The following ZNF831 variants were observed in gnomAD, a reference collection of about 807,000 sequenced individuals.
The protein encoded by ZNF831 is zinc finger protein 831.
A neutral mutation model predicts 95.8 loss-of-function variants in ZNF831; 59 were observed. The observed-to-expected ratio is 0.62, with a 90% CI of 0.50 to 0.77. ZNF831 has a LOEUF of 0.77. ZNF831 is among the 30% of genes least tolerant of loss of function. The pLI, the probability that ZNF831 is intolerant of heterozygous loss-of-function variation, is 0.00. For synonymous variants in ZNF831, 961 were observed against 925.5 expected (o/e 1.04, Z -0.70); for missense variants, 2,205 against 2,164.0 (o/e 1.02, Z -0.38).
intron 2 of ZNF831, among the ~76,000 whole-genome samples, chr20:59,147,546 G>A (rs1979941254): frequency 6.6e-6 from 1 of 152,250 alleles, no homozygotes; most frequent in South Asian, 2.1e-4. Context: ...AGGAAAGGCT[G>A]TACAAGCTGA....
rs62204016 is a variant in ZNF831, at chr20:59,224,191, C to G, written c.4027+17135C>G. Among the ~76,000 whole-genome samples, 1,213 of 152,328 alleles carry G rather than the reference C, an allele frequency of 8.0e-3. 9 individuals are homozygous for G. The highest frequency in any genetic ancestry group is 0.024 in the Middle Eastern group (7 of 294). ...CGGGTGGGGGGACTTCCTCTTGTTC[C>G]TGGAGACCTGCTTCCCCTCCCAACA... On this transcript the variant is annotated intron_variant, in intron 4 of 5. Coordinates refer to ENST00000371030, the MANE Select transcript of ZNF831 (RefSeq NM_178457.3).
Position 59,133,364 on chromosome 20 carries a change from A to G in ZNF831, c.-1425+9859A>G, listed in dbSNP as rs236725. On this transcript the variant is annotated intron_variant, in intron 1 of 7. Transcript: ENST00000637017. The stretch of plus-strand genomic sequence containing the variant: ...TATGCTCTGGTCCTGCATGACGTCC[A>G]TAGGATCACTTTGGGCAGTTGCTAT... Among the ~76,000 whole-genome samples the G allele has an allele frequency of 2.0e-3, 259 of 129,238 alleles. 1 individual carries two copies. Among genetic ancestry groups the G allele is most frequent in the Middle Eastern group, 5.8e-3 (1 of 172 alleles). 84.8% of individuals were successfully genotyped at this position (129,238 alleles called of 152,430 possible).
intron 1 of ZNF831, among the ~76,000 whole-genome samples, chr20:59,133,011 G>A (rs946566702): frequency 6.0e-5 from 9 of 149,748 alleles, no homozygotes; most frequent in East Asian, 2.0e-4. Context: ...GCTATGCTCC[G>A]GTCCTGCATG....
chr20:59,155,255 C>T (rs1330468290), intron 2 of ZNF831, among the ~76,000 whole-genome samples: 1 of 152,132 alleles, frequency 6.6e-6, no homozygotes, highest in East Asian at 1.9e-4. Context: ...CAAAACCTCT[C>T]AGAAGTAGGA....
chr20:59,205,560 G>A (rs1984835262), intron 3 of ZNF831, among the ~76,000 whole-genome samples: 1 of 152,226 alleles, frequency 6.6e-6, no homozygotes, highest in Non-Finnish European at 1.5e-5. Flanking sequence ...CAGTGCCCAA[G>A]AGGATACTGC....
chr20:59,154,424 T>G (rs1980417005), intron 2 of ZNF831, among the ~76,000 whole-genome samples: 1 of 152,184 alleles, frequency 6.6e-6, no homozygotes, highest in South Asian at 2.1e-4. Flanking sequence ...TCGAACCCTG[T>G]GAAGCCGAAG....
At position 59,239,588 on chromosome 20, in the gene ZNF831, C is replaced by T. The variant is rs184024811; in HGVS notation, c.4028-13390C>T. 4.0e-3 allele frequency among the ~76,000 whole-genome samples: 558 copies of T among 138,034 alleles called. 10 individuals carry two copies. Among genetic ancestry groups the T allele is most frequent in the Admixed American group, 0.036 (472 of 13,094 alleles). 90.6% of individuals were successfully genotyped at this position (138,034 alleles called of 152,430 possible). On this transcript the variant is annotated intron_variant, in intron 4 of 5. Transcript: ENST00000371030. ...TTTTTGAGATAGAGTCTCGCTCTGT[C>T]GCCCAGGCTGGAGTATAGTGACCTT...
intron 1 of ZNF831, among the ~76,000 whole-genome samples, chr20:59,130,920 C>T (rs1036635225): frequency 2.6e-5 from 4 of 152,160 alleles, no homozygotes; most frequent in African/African-American, 9.7e-5. Flanking sequence ...CCCCTGTTTC[C>T]TCATCTGAAA....
intron 1 of ZNF831, among the ~76,000 whole-genome samples, chr20:59,172,958 T>C (rs1401414797): frequency 3.3e-5 from 5 of 152,202 alleles, no homozygotes; most frequent in African/African-American, 1.2e-4. Flanking sequence ...CATGCTGAGA[T>C]TTGACTCAGT....
rs201443035 is a variant in ZNF831, at chr20:59,192,320, T to G, written c.1301T>G (p.Leu434Arg). The change falls in exon 2 of 6, where the codon CTG becomes CGG. Residue 434 changes from leucine (L) to arginine (R), a missense_variant. Coordinates refer to ENST00000371030, the MANE Select transcript of ZNF831 (RefSeq NM_178457.3). This position sits in a 1 kb window ranked among gnomAD's most constrained non-coding sequence, Gnocchi z 5.2. ...LDNVRPRKTG[L>R]SKQGSIDLPT... ...AACGTGCGGCCCCGGAAGACCGGGCTGTCCAAACAGGGCAGCATCGACCTG... is the reference window on the plus strand; with the variant it reads ...AACGTGCGGCCCCGGAAGACCGGGCGGTCCAAACAGGGCAGCATCGACCTG... 1 of 1,597,592 alleles carries G rather than the reference T, an allele frequency of 6.3e-7. No individual in the cohort carries two copies. The highest frequency in any genetic ancestry group is 8.5e-7 in the Non-Finnish European group (1 of 1,171,896).
chr20:59,222,586 T>C (rs769232078), intron 4 of ZNF831, among the ~76,000 whole-genome samples: 4 of 152,012 alleles, frequency 2.6e-5, no homozygotes, highest in Non-Finnish European at 5.9e-5. Context: ...TAACCTCTGG[T>C]GGGGGTTAAA....
chr20:59,253,867 C>CCCTTTTTTTT, intron 5 of ZNF831, 31 bp from the exon 6 acceptor site: 2 of 1,142,328 alleles, frequency 1.8e-6, no homozygotes, highest in Non-Finnish European at 2.3e-6. Flanking sequence ...CCTCCCCCCC[C>CCCTTTTTTTT]ACTTTTTTTT....
chr20:59,140,004 CTAAT>C (rs964646536), intron 1 of ZNF831, among the ~76,000 whole-genome samples: 6 of 152,104 alleles, frequency 3.9e-5, no homozygotes, highest in Non-Finnish European at 7.4e-5. Context: ...AAAAATCTGT[CTAAT>C]TAAGTCTCAA....
At chr20:59,170,129 T>G (rs1002250273) in intron 1 of ZNF831, among the ~76,000 whole-genome samples, 1 of 152,104 alleles carries the variant, frequency 6.6e-6, no homozygotes, top group Non-Finnish European at 1.5e-5. Context: ...TTTAAACAAT[T>G]AATAGCAGTT....
intron 4 of ZNF831, among the ~76,000 whole-genome samples, chr20:59,210,038 A>G (rs1985183187): frequency 6.6e-6 from 1 of 152,156 alleles, no homozygotes; most frequent in African/African-American, 2.4e-5. Flanking sequence ...CAGGGCCACT[A>G]TTCAACCATC....
chr20:59,136,391 A>G (rs1979509312), intron 1 of ZNF831, among the ~76,000 whole-genome samples: 1 of 152,316 alleles, frequency 6.6e-6, no homozygotes, highest in Non-Finnish European at 1.5e-5. Context: ...GTCCTTTTGC[A>G]GCGGTACCTA....
chr20:59,156,943 T>G (rs1980576208), intron 2 of ZNF831, among the ~76,000 whole-genome samples: 1 of 152,240 alleles, frequency 6.6e-6, no homozygotes, highest in African/African-American at 2.4e-5. Context: ...TTACTTTTTA[T>G]GGGCACATGG....
intron 1 of ZNF831, among the ~76,000 whole-genome samples, chr20:59,188,197 T>G (rs1413279026): frequency 6.6e-6 from 1 of 152,234 alleles, no homozygotes; most frequent in Admixed American, 6.5e-5. Flanking sequence ...TGGTAATACA[T>G]GTTTAACTTT....
At chr20:59,131,036 G>A (rs908940020) in intron 1 of ZNF831, among the ~76,000 whole-genome samples, 1 of 152,108 alleles carries the variant, frequency 6.6e-6, no homozygotes, top group East Asian at 1.9e-4. Flanking sequence ...GATGTGTCTC[G>A]CTCAGTAAAC....
Sources: gnomAD v4.1 joint callset for allele counts (sites outside exome capture counted in the v4.1 genomes callset) on GRCh38, gnomAD v4.1.1 for gene constraint, Gnocchi (gnomAD v3.1) non-coding constraint, MANE v1.5 for transcripts, NCBI Gene and HGNC (gene_info 2026-07-23, HGNC 2026-07-21) for gene names.